The following NR5A2 variants were observed in gnomAD, a reference collection of about 807,000 sequenced individuals.
NR5A2 encodes the protein CYP7A promoter-binding factor.
In NR5A2, 26 loss-of-function variants were observed where a neutral mutation model predicts 62.7. That is an observed-to-expected ratio of 0.41 (90% CI 0.30 to 0.58). The LOEUF (loss-of-function observed/expected upper bound fraction) is 0.58, where lower values mean the gene tolerates loss of function less well. NR5A2 is among the 20% of genes least tolerant of loss of function. NR5A2 has a pLI of 0.22. For missense variants in NR5A2, 541 were observed against 669.1 expected (o/e 0.81, Z 2.11); for synonymous variants, 246 against 241.7 (o/e 1.02, Z -0.16).
At chr1:200,124,296 A>G (rs962309381) in intron 7 of NR5A2, among the ~76,000 whole-genome samples, 32 of 152,204 alleles carry the variant, frequency 2.1e-4, no homozygotes, top group Non-Finnish European at 3.5e-4. Context: ...GCGGGTCCCA[A>G]TAGCAGTCAT....
intron 6 of NR5A2, among the ~76,000 whole-genome samples, chr1:200,116,933 G>C (rs995133045): frequency 6.6e-6 from 1 of 152,128 alleles, no homozygotes; most frequent in Non-Finnish European, 1.5e-5. Flanking sequence ...CATCCTAAGG[G>C]AAAGGTCTAC....
chr1:200,109,367 T>C (rs1282433680), intron 5 of NR5A2, among the ~76,000 whole-genome samples: 3 of 152,230 alleles, frequency 2.0e-5, no homozygotes, highest in African/African-American at 4.8e-5. Flanking sequence ...TATTTCTGCA[T>C]TTGTGTGTTG....
intron 5 of NR5A2, among the ~76,000 whole-genome samples, chr1:200,093,890 C>T (rs959636953): frequency 1.5e-4 from 23 of 152,204 alleles, no homozygotes; most frequent in African/African-American, 5.3e-4. Context: ...GGCACAGTGG[C>T]CCACGCCTGT....
At chr1:200,052,425 A>G (rs912445397) in intron 5 of NR5A2, among the ~76,000 whole-genome samples, 6 of 152,270 alleles carry the variant, frequency 3.9e-5, no homozygotes, top group East Asian at 3.9e-4. Context: ...GGCTCAAGCA[A>G]TCCTCCTGCC....
chr1:200,071,052 CT>C (rs978882558), intron 5 of NR5A2, among the ~76,000 whole-genome samples: 2 of 152,124 alleles, frequency 1.3e-5, no homozygotes, highest in Non-Finnish European at 2.9e-5. Flanking sequence ...ACAAGTCGTC[CT>C]TTTTAGAGCA....
chr1:200,045,565 T>A lies in NR5A2; in HGVS notation c.444T>A (p.Ser148Arg), dbSNP rs776035131. The change falls in exon 4 of 8, where the codon AGT becomes AGA. Residue 148 changes from serine (S) to arginine (R), a missense_variant. Transcript: ENST00000367362. Reference sequence around the variant, plus strand: ...ACTGTCGTTTTCAAAAATGTCTAAGTGTTGGAATGAAGCTAGAAGGTAAGA... The same window carrying A: ...ACTGTCGTTTTCAAAAATGTCTAAGAGTTGGAATGAAGCTAGAAGGTAAGA... The part of the protein sequence containing the change: ...CPYCRFQKCL[S>R]VGMKLEAVRA... 2.5e-6 allele frequency: 4 copies of A among 1,611,654 alleles called. No homozygotes were observed. Among genetic ancestry groups the A allele is most frequent in the Non-Finnish European group, 3.4e-6 (4 of 1,179,056 alleles).
chr1:200,075,390 A>G (rs1663978256), intron 5 of NR5A2, among the ~76,000 whole-genome samples: 1 of 152,246 alleles, frequency 6.6e-6, no homozygotes, highest in South Asian at 2.1e-4. Context: ...TTGATTCAGA[A>G]TTACCATTGT....
chr1:200,135,580 C>T (rs1213267880), intron 7 of NR5A2, among the ~76,000 whole-genome samples: 1 of 151,634 alleles, frequency 6.6e-6, no homozygotes, highest in Non-Finnish European at 1.5e-5. Context: ...AAAAGAGAGG[C>T]GTTCATGACA....
At chr1:200,037,336 T>C (rs1175584951) in intron 1 of NR5A2, among the ~76,000 whole-genome samples, 1 of 152,158 alleles carries the variant, frequency 6.6e-6, no homozygotes, top group African/African-American at 2.4e-5. Context: ...AGAGGTGAAA[T>C]CACCACCACA....
chr1:200,158,129 A>T (rs947279907), intron 7 of NR5A2, among the ~76,000 whole-genome samples: 19 of 152,246 alleles, frequency 1.2e-4, no homozygotes, highest in African/African-American at 4.6e-4. Flanking sequence ...CAAAAAGCTC[A>T]ATTTATATGT....
At chr1:200,090,712 T>C (rs551876113) in intron 5 of NR5A2, among the ~76,000 whole-genome samples, 6 of 152,254 alleles carry the variant, frequency 3.9e-5, no homozygotes, top group African/African-American at 1.2e-4. Flanking sequence ...TGTCCTGGGA[T>C]TTCTCTCCCA....
At chr1:200,169,100 G>A (rs1163780640) in intron 7 of NR5A2, among the ~76,000 whole-genome samples, 2 of 151,948 alleles carry the variant, frequency 1.3e-5, no homozygotes, top group Admixed American at 6.6e-5. Flanking sequence ...TACTGGGACC[G>A]GGAGTAGCTG....
chr1:200,140,704 A>G (rs1290016346), intron 7 of NR5A2, among the ~76,000 whole-genome samples: 2 of 152,190 alleles, frequency 1.3e-5, no homozygotes, highest in Non-Finnish European at 2.9e-5. Flanking sequence ...CAATTTCTCC[A>G]ATGGCAACAT....
At chr1:200,101,110 A>C (rs527556486) in intron 5 of NR5A2, among the ~76,000 whole-genome samples, 1 of 152,190 alleles carries the variant, frequency 6.6e-6, no homozygotes, top group South Asian at 2.1e-4. Context: ...CTATATATGC[A>C]TACATACAGA....
chr1:200,077,217 G>A (rs1173507791), intron 5 of NR5A2, among the ~76,000 whole-genome samples: 4 of 152,256 alleles, frequency 2.6e-5, no homozygotes, highest in Non-Finnish European at 5.9e-5. Context: ...TTAGGTTTCG[G>A]CATCACAGAA....
At position 200,048,344 on chromosome 1, in the gene NR5A2, A is replaced by G; in HGVS notation, c.636A>G (p.Ala212=). Residue 212 remains alanine (A), a synonymous_variant, in exon 5 of 8, where the codon GCA becomes GCG. Coordinates refer to ENST00000367362, the MANE Select transcript of NR5A2 (RefSeq NM_205860.3). The surrounding 1 kb of genome is among the most constrained non-coding windows in gnomAD (Gnocchi z 4.8). The part of the protein sequence containing the change: ...AMPSDLTISS[A]IQNIHSASKG... Reference sequence around the variant, plus strand: ...CCTCTGACCTGACCATTTCCTCTGCAATTCAAAACATCCACTCTGCCTCCA... The same window carrying G: ...CCTCTGACCTGACCATTTCCTCTGCGATTCAAAACATCCACTCTGCCTCCA... 1 of 1,614,162 alleles carries G rather than the reference A, an allele frequency of 6.2e-7. No homozygotes were observed. The highest frequency in any genetic ancestry group is 8.5e-7 in the Non-Finnish European group (1 of 1,180,024).
intron 7 of NR5A2, among the ~76,000 whole-genome samples, chr1:200,159,228 G>A (rs1262971911): frequency 6.6e-6 from 1 of 152,076 alleles, no homozygotes; most frequent in African/African-American, 2.4e-5. Flanking sequence ...ATGAATACTT[G>A]TTCTTTCAAA....
At chr1:200,043,243 T>C (rs1026238668) in intron 2 of NR5A2, among the ~76,000 whole-genome samples, 6 of 152,232 alleles carry the variant, frequency 3.9e-5, no homozygotes, top group African/African-American at 1.4e-4. Flanking sequence ...TTAGTTAAAG[T>C]GGGCTGCTGC....
In NR5A2 at chr1:200,174,104, G is replaced by A. The variant is rs771306384; in HGVS notation, c.1520G>A (p.Arg507Gln). 15 of 1,613,586 alleles carry A rather than the reference G, an allele frequency of 9.3e-6. No homozygotes were observed. In the African/African-American group the frequency reaches 1.2e-4, roughly 13 times the overall value. Residue 507 changes from arginine to glutamine, a missense_variant, in exon 8 of 8, where the codon CGG (arginine) becomes CAG (glutamine). Arg to Gln is a conservative substitution (Grantham distance 43). Transcript: ENST00000367362. Reference sequence around the variant, plus strand: ...CTACTTCTTCGACTACCCGAAATCCGGGCCATCAGTATGCAGGCTGAAGAA... The same window carrying A: ...CTACTTCTTCGACTACCCGAAATCCAGGCCATCAGTATGCAGGCTGAAGAA... ...GQLLLRLPEIRAISMQAEEYL... is the reference protein window; with the variant it reads ...GQLLLRLPEIQAISMQAEEYL...
Sources: gnomAD v4.1 joint callset for allele counts (sites outside exome capture counted in the v4.1 genomes callset) on GRCh38, gnomAD v4.1.1 for gene constraint, Gnocchi (gnomAD v3.1) non-coding constraint, MANE v1.5 for transcripts, NCBI Gene and HGNC (gene_info 2026-07-23, HGNC 2026-07-21) for gene names.